Variants in ACYP2 observed in about 807,000 individuals in gnomAD.
ACYP2 encodes the protein acylphosphatase-2.
ACYP2 carries 12 observed loss-of-function variants against 11.2 expected under a neutral mutation model. The ratio of observed to expected loss-of-function variants is 1.08; its 90% CI spans 0.69 to 1.74. The LOEUF is 1.74. Among genes scored for constraint, ACYP2 ranks in the 40% most tolerant of loss-of-function variants. ACYP2 has a pLI of 0.00. For synonymous variants in ACYP2, 43 were observed against 32.2 expected (o/e 1.33, Z -1.13); for missense variants, 134 against 101.9 (o/e 1.31, Z -1.35).
chr2:54,090,546 G>A (rs1014137816), intron 4 of ACYP2, among the ~76,000 whole-genome samples: 8 of 152,172 alleles, frequency 5.3e-5, no homozygotes, highest in Non-Finnish European at 8.8e-5. Flanking sequence ...CAGGAGAACT[G>A]CTTGAAACCG....
chr2:54,234,139 A>G (rs1240535438), intron 6 of ACYP2, among the ~76,000 whole-genome samples: 1 of 152,200 alleles, frequency 6.6e-6, no homozygotes, highest in East Asian at 1.9e-4. Context: ...GATGATAGGA[A>G]TAAGAGGAGT....
At chr2:54,047,912 T>A (rs1018552828) in intron 2 of ACYP2, among the ~76,000 whole-genome samples, 20 of 152,178 alleles carry the variant, frequency 1.3e-4, no homozygotes, top group African/African-American at 4.6e-4. Flanking sequence ...CGTCAATGGC[T>A]AGGGAGATAG....
intron 6 of ACYP2, among the ~76,000 whole-genome samples, chr2:54,229,037 G>C (rs1390088293): frequency 6.6e-6 from 1 of 152,162 alleles, no homozygotes; most frequent in Admixed American, 6.5e-5. Context: ...ATAGTTATAA[G>C]TCAGGGTTAA....
intron 2 of ACYP2, among the ~76,000 whole-genome samples, chr2:54,040,939 G>C (rs1328635838): frequency 2.6e-5 from 4 of 152,212 alleles, no homozygotes; most frequent in Admixed American, 6.5e-5. Context: ...AGTGTTCATA[G>C]ATAGGTGGAA....
chr2:54,209,721 C>T (rs1685247076), intron 6 of ACYP2, among the ~76,000 whole-genome samples: 2 of 152,176 alleles, frequency 1.3e-5, no homozygotes, highest in South Asian at 4.1e-4. Flanking sequence ...AAAAGGGGTT[C>T]CTTTTCCTGA....
intron 2 of ACYP2, among the ~76,000 whole-genome samples, chr2:53,997,251 T>C (rs1228500860): frequency 6.6e-6 from 1 of 152,228 alleles, no homozygotes; most frequent in Non-Finnish European, 1.5e-5. Flanking sequence ...TGACCCTTCC[T>C]CAGAAGTATA....
chr2:54,072,093 G>A (rs1301121174), intron 4 of ACYP2, among the ~76,000 whole-genome samples: 1 of 152,100 alleles, frequency 6.6e-6, no homozygotes, highest in Non-Finnish European at 1.5e-5. Flanking sequence ...GGATCAAAAG[G>A]AATTAAAATA....
At chr2:54,080,914 C>G (rs181682404) in intron 4 of ACYP2, among the ~76,000 whole-genome samples, 2 of 152,314 alleles carry the variant, frequency 1.3e-5, no homozygotes, top group East Asian at 3.9e-4. Flanking sequence ...GGGTTAGCCA[C>G]CATGCCTGGC....
At chr2:54,175,149 CGTCTG>C (rs1404783978) in intron 6 of ACYP2, among the ~76,000 whole-genome samples, 5 of 152,078 alleles carry the variant, frequency 3.3e-5, no homozygotes, top group Admixed American at 6.6e-5. Context: ...GCTGTGAATC[CGTCTG>C]GTCCTGGAGT....
At chr2:54,017,466 G>C (rs983644770) in intron 2 of ACYP2, among the ~76,000 whole-genome samples, 1 of 151,814 alleles carries the variant, frequency 6.6e-6, no homozygotes, top group South Asian at 2.1e-4. Flanking sequence ...TGTTGGCCAG[G>C]CTGATCTCGA....
chr2:54,276,778 A>G (rs1329779972), intron 6 of ACYP2, among the ~76,000 whole-genome samples: 3 of 152,204 alleles, frequency 2.0e-5, no homozygotes, highest in African/African-American at 7.2e-5. Context: ...TAAAAAAGGA[A>G]AGAATGAAAG....
intron 4 of ACYP2, among the ~76,000 whole-genome samples, chr2:54,095,253 C>G (rs1054475652): frequency 2.6e-5 from 4 of 152,222 alleles, no homozygotes; most frequent in Non-Finnish European, 4.4e-5. Context: ...TTTCTTAGTA[C>G]AGAACAAAAC....
chr2:54,011,657 G>C (rs13395751), intron 2 of ACYP2, among the ~76,000 whole-genome samples: 14,442 of 152,036 alleles, frequency 0.095, 937 homozygotes, highest in African/African-American at 0.18. Flanking sequence ...TTTTCTATTA[G>C]AAACAACAAA....
intron 6 of ACYP2, among the ~76,000 whole-genome samples, chr2:54,283,471 T>C (rs754013425): frequency 6.6e-6 from 1 of 152,178 alleles, no homozygotes; most frequent in Non-Finnish European, 1.5e-5. Context: ...TCCTTTCATC[T>C]TCACAACACT....
chr2:54,252,462 C>T (rs1687271420), intron 6 of ACYP2, among the ~76,000 whole-genome samples: 1 of 152,130 alleles, frequency 6.6e-6, no homozygotes, highest in Non-Finnish European at 1.5e-5. Flanking sequence ...TGCCAAACAA[C>T]TTTCTAAAGT....
intron 6 of ACYP2, chr2:54,255,715 T>C: frequency 6.2e-7 from 1 of 1,613,970 alleles, no homozygotes; most frequent in Non-Finnish European, 8.5e-7. Flanking sequence ...GTCCTCGGCC[T>C]TCCCCTCTGC....
intron 6 of ACYP2, chr2:54,255,402 G>A (rs746640102): frequency 4.3e-6 from 7 of 1,613,916 alleles, no homozygotes; most frequent in African/African-American, 2.7e-5. Flanking sequence ...TGACCCAGAA[G>A]CCCGGGATAT....
chr2:54,129,861 T>A (rs1475530201), intron 4 of ACYP2, among the ~76,000 whole-genome samples: 1 of 148,374 alleles, frequency 6.7e-6, no homozygotes, highest in East Asian at 1.9e-4. Flanking sequence ...ATATAATATA[T>A]AATCAATATG....
At chr2:54,011,085 G>A (rs1673346357) in intron 2 of ACYP2, among the ~76,000 whole-genome samples, 1 of 152,108 alleles carries the variant, frequency 6.6e-6, no homozygotes, top group East Asian at 1.9e-4. Context: ...TTGTAACAAA[G>A]TAAAATAAAA....
Sources: gnomAD v4.1 joint callset for allele counts (sites outside exome capture counted in the v4.1 genomes callset) on GRCh38, gnomAD v4.1.1 for gene constraint, MANE v1.5 for transcripts, NCBI Gene and HGNC (gene_info 2026-07-23, HGNC 2026-07-21) for gene names.